LIMK2: variants seen among roughly 807,000 people sequenced by gnomAD.
LIMK2 encodes LIM domain kinase 2.
LIMK2 carries 35 observed loss-of-function variants against 75.7 expected under a neutral mutation model. That is an observed-to-expected ratio of 0.46 (90% CI 0.35 to 0.61). LIMK2 has a LOEUF of 0.61. LIMK2 is among the 20% of genes least tolerant of loss of function. The pLI is 0.00. For missense variants in LIMK2, 623 were observed against 831.0 expected (o/e 0.75, Z 3.08); for synonymous variants, 301 against 319.2 (o/e 0.94, Z 0.61).
rs200776666 is a variant in LIMK2, at chr22:31,262,639, G to A, written c.702G>A (p.Leu234=). The part of the protein sequence containing the change: ...ISQTSQTLQL[L]IEHDPVSQRL... ...AGACGAGCCAGACACTTCAGCTGTT[G>A]ATTGAACATGACCCCGTCTCCCAAC... Residue 234 remains leucine, a synonymous_variant, in exon 7 of 16, where the codon TTG becomes TTA. Transcript: ENST00000331728. This position sits in a 1 kb window ranked among gnomAD's most constrained non-coding sequence, Gnocchi z 5.0. The A allele has an allele frequency of 6.8e-6, 11 of 1,614,012 alleles. No individual in the cohort carries two copies. Among genetic ancestry groups the A allele is most frequent in the Non-Finnish European group, 9.3e-6 (11 of 1,180,018 alleles).
Position 31,262,899 on chromosome 22 carries a change from G to A in LIMK2, c.854+108G>A. 1 of 1,037,966 alleles carries A rather than the reference G, an allele frequency of 9.6e-7. No homozygotes were observed. Among genetic ancestry groups the A allele is most frequent in the Non-Finnish European group, 1.4e-6 (1 of 728,042 alleles). 64.3% of individuals were successfully genotyped at this position (1,037,966 alleles called of 1,614,324 possible). A position where few individuals can be genotyped will look rare whatever the true frequency, so the allele number is the denominator to read the frequency against. ...TTAGGAAAGGAACCAGCTGGCCAGG[G>A]ACAGACTATGAGGATTGTGCTGACC... On this transcript the variant is annotated intron_variant, in intron 7 of 15. Transcript: ENST00000331728. This position sits in a 1 kb window ranked among gnomAD's most constrained non-coding sequence, Gnocchi z 5.0.
chr22:31,226,361 C>G (rs545989672), intron 2 of LIMK2, among the ~76,000 whole-genome samples: 1 of 151,334 alleles, frequency 6.6e-6, no homozygotes, highest in Admixed American at 6.6e-5. Context: ...TGCCACCATG[C>G]GCAGCTAATT....
At chr22:31,275,545 T>G (rs2049004984) in intron 15 of LIMK2, 1 of 499,102 alleles carries the variant, frequency 2.0e-6, no homozygotes, top group African/African-American at 1.9e-5. Context: ...TAAAAGAAAG[T>G]TTAAAAGAAG....
chr22:31,212,558 C>A, intron 1 of LIMK2, 134 bp downstream of exon 1: 1 of 883,208 alleles, frequency 1.1e-6, no homozygotes, highest in Non-Finnish European at 1.5e-6. Flanking sequence ...CTCAGAAAAG[C>A]TGGGAGGCGG....
intron 13 of LIMK2, 169 bp downstream of exon 13, chr22:31,272,873 T>C (rs1269560271): frequency 7.1e-7 from 1 of 1,403,220 alleles, no homozygotes; most frequent in Admixed American, 3.0e-5. Flanking sequence ...GCTCCTGAGC[T>C]CAGGGGGCTG....
rs111522460 is a variant in LIMK2, at chr22:31,278,069, T to C, written c.1773-228T>C. On this transcript the variant is annotated intron_variant, in intron 15 of 15. Transcript: ENST00000331728. The stretch of plus-strand genomic sequence containing the variant: ...AGGGAAGTTTTTCTCCTATTGTTTT[T>C]AAGTATTAACTCCAGCTAGTCCAGC... 4.0e-3 allele frequency among the ~76,000 whole-genome samples: 611 copies of C among 152,316 alleles called. 1 individual carries two copies. Among genetic ancestry groups the C allele is most frequent in the African/African-American group, 0.014 (565 of 41,556 alleles).
Position 31,259,983 on chromosome 22 carries a change from A to G in LIMK2, c.457A>G (p.Ile153Val). 6.2e-7 allele frequency: 1 copy of G among 1,611,874 alleles called. No individual in the cohort carries two copies. Among genetic ancestry groups the G allele is most frequent in the Non-Finnish European group, 8.5e-7 (1 of 1,179,574 alleles). The change falls in exon 5 of 16, where the codon ATC becomes GTC. Residue 153 changes from isoleucine to valine, a missense_variant. Physicochemically the swap from Ile to Val is conservative, Grantham distance 29 (BLOSUM62 3). Transcript: ENST00000331728. The part of the protein sequence containing the change: ...QEQLPYSVTL[I>V]SMPATTEGRR... Reference sequence around the variant, plus strand: ...GCAGCTGCCCTACTCTGTCACGCTCATCTCCATGCCGGCCACCACTGAAGG... The same window carrying G: ...GCAGCTGCCCTACTCTGTCACGCTCGTCTCCATGCCGGCCACCACTGAAGG...
chr22:31,274,642 C>A (rs5753534), intron 14 of LIMK2, among the ~76,000 whole-genome samples: 6,836 of 152,244 alleles, frequency 0.045, 570 homozygotes, highest in East Asian at 0.37. Context: ...CTCAGGTGAT[C>A]CACCCGCTTC....
chr22:31,270,297 G>GA (rs2048942644), intron 11 of LIMK2, among the ~76,000 whole-genome samples: 1 of 152,028 alleles, frequency 6.6e-6, no homozygotes, highest in Admixed American at 6.5e-5. Context: ...AAGGCTGGAA[G>GA]AAAAAAACAG....
At chr22:31,259,319 G>A (rs1240071852) in intron 4 of LIMK2, 89 bp downstream of exon 4, 3 of 749,524 alleles carry the variant, frequency 4.0e-6, no homozygotes, top group Non-Finnish European at 7.2e-6. Flanking sequence ...CAGAAGGAGT[G>A]TTAGGGTAGT....
At chr22:31,276,370 T>A (rs903615519) in intron 15 of LIMK2, among the ~76,000 whole-genome samples, 1 of 152,080 alleles carries the variant, frequency 6.6e-6, no homozygotes, top group South Asian at 2.1e-4. Flanking sequence ...AACATTCTCC[T>A]CACCCCCAAC....
chr22:31,256,972 G>A (rs1207789955), intron 2 of LIMK2, among the ~76,000 whole-genome samples: 1 of 149,722 alleles, frequency 6.7e-6, no homozygotes, highest in African/African-American at 2.4e-5. Flanking sequence ...GGTAAGTCCT[G>A]AGAACACACC....
At chr22:31,258,613 C>T in intron 3 of LIMK2, 187 bp downstream of exon 3, 1 of 600,778 alleles carries the variant, frequency 1.7e-6, no homozygotes, top group Non-Finnish European at 2.9e-6. Context: ...ATCCTTCCCT[C>T]AAAGACTTAA....
chr22:31,231,233 C>A (rs781354452), intron 2 of LIMK2, among the ~76,000 whole-genome samples: 1 of 152,170 alleles, frequency 6.6e-6, no homozygotes, highest in African/African-American at 2.4e-5. Context: ...TGTCAGATAA[C>A]ATTGAAGGGT....
rs2048489889 is a variant in LIMK2 at position 31,227,489 on chromosome 22, C to T, written c.116+1670C>T. Among the ~76,000 whole-genome samples, 4 of 152,236 alleles carry T rather than the reference C, an allele frequency of 2.6e-5. No homozygotes were observed. The South Asian group carries it at 8.3e-4, about 31-fold the overall frequency. Reference sequence around the variant, plus strand: ...TATTATCCTTTCCTTTCAGCTATAACTCAGAGCTCTCAAGTCTTTTCTGTG... The same window carrying T: ...TATTATCCTTTCCTTTCAGCTATAATTCAGAGCTCTCAAGTCTTTTCTGTG... On this transcript the variant is annotated intron_variant, in intron 2 of 15. Transcript: ENST00000331728.
At chr22:31,274,295 C>T (rs886302884) in intron 14 of LIMK2, among the ~76,000 whole-genome samples, 2 of 152,100 alleles carry the variant, frequency 1.3e-5, no homozygotes, top group South Asian at 2.1e-4. Flanking sequence ...CATATCTCAG[C>T]GACTCAAACA....
intron 11 of LIMK2, among the ~76,000 whole-genome samples, chr22:31,270,447 G>A (rs116186053): frequency 2.0e-5 from 3 of 152,196 alleles, no homozygotes; most frequent in South Asian, 4.1e-4. Flanking sequence ...GCAGCTCCAG[G>A]AGCCTAAGGG....
At chr22:31,232,056 C>T (rs1230208029) in intron 2 of LIMK2, among the ~76,000 whole-genome samples, 1 of 151,680 alleles carries the variant, frequency 6.6e-6, no homozygotes, top group Non-Finnish European at 1.5e-5. Flanking sequence ...TCCAGCGATC[C>T]TCCTGCCCCA....
At chr22:31,241,646 A>G (rs945944169) in intron 2 of LIMK2, among the ~76,000 whole-genome samples, 1 of 152,100 alleles carries the variant, frequency 6.6e-6, no homozygotes, top group Non-Finnish European at 1.5e-5. Context: ...AGATCAAACT[A>G]CGTGAAGGCA....
Sources: gnomAD v4.1 joint callset for allele counts (sites outside exome capture counted in the v4.1 genomes callset) on GRCh38, gnomAD v4.1.1 for gene constraint, Gnocchi (gnomAD v3.1) non-coding constraint, MANE v1.5 for transcripts, NCBI Gene and HGNC (gene_info 2026-07-23, HGNC 2026-07-21) for gene names.